The following KCNH1 variants were observed in gnomAD, a reference collection of about 807,000 sequenced individuals.
KCNH1 encodes the protein potassium voltage-gated channel subfamily H member 1, also known as voltage-gated delayed rectifier potassium channel KCNH1.
KCNH1 carries 27 observed loss-of-function variants against 69.2 expected under a neutral mutation model. The ratio of observed to expected loss-of-function variants is 0.39; its 90% CI spans 0.29 to 0.54. The LOEUF (loss-of-function observed/expected upper bound fraction) is 0.54, where lower values mean the gene tolerates loss of function less well. Among genes scored for constraint, KCNH1 ranks in the 20% least tolerant of loss-of-function variants. The pLI, the probability that KCNH1 is intolerant of heterozygous loss-of-function variation, is 0.68. For synonymous variants in KCNH1, 456 were observed against 487.7 expected (o/e 0.93, Z 0.86); for missense variants, 798 against 1,261.6 (o/e 0.63, Z 5.57).
chr1:211,024,760 T>C (rs1339114063), intron 5 of KCNH1, among the ~76,000 whole-genome samples: 2 of 151,822 alleles, frequency 1.3e-5, no homozygotes, highest in South Asian at 2.1e-4. Context: ...TACATATTAA[T>C]ATTTCTGCAG....
intron 6 of KCNH1, among the ~76,000 whole-genome samples, chr1:210,931,503 TG>T (rs1432703073): frequency 6.6e-6 from 1 of 151,986 alleles, no homozygotes; most frequent in Admixed American, 6.6e-5. Flanking sequence ...CATTGGACTT[TG>T]GGGACTTGGG....
intron 10 of KCNH1, among the ~76,000 whole-genome samples, chr1:210,708,560 C>G (rs957647411): frequency 2.6e-5 from 4 of 152,072 alleles, no homozygotes; most frequent in South Asian, 4.1e-4. Context: ...GCTGATCACT[C>G]GAATTATATT....
At chr1:210,726,807 C>T (rs575803703) in intron 10 of KCNH1, among the ~76,000 whole-genome samples, 3 of 140,704 alleles carry the variant, frequency 2.1e-5, no homozygotes, top group Admixed American at 7.2e-5. Flanking sequence ...GACAGTTCCC[C>T]GGCGGGGGTG....
At chr1:211,099,378 AT>A (rs1393388557) in intron 3 of KCNH1, among the ~76,000 whole-genome samples, 2 of 152,214 alleles carry the variant, frequency 1.3e-5, no homozygotes, top group Admixed American at 6.5e-5. Flanking sequence ...CAGATAAAAA[AT>A]ATACTTCAAG....
At chr1:210,888,018 G>A (rs1430688279) in intron 7 of KCNH1, among the ~76,000 whole-genome samples, 3 of 152,122 alleles carry the variant, frequency 2.0e-5, no homozygotes, top group African/African-American at 7.2e-5. Context: ...AGATTAACAA[G>A]GATATTCAGG....
intron 3 of KCNH1, among the ~76,000 whole-genome samples, chr1:211,099,686 C>G (rs80231636): frequency 2.0e-3 from 302 of 152,288 alleles, no homozygotes; most frequent in Middle Eastern, 6.8e-3. Context: ...TTCAAAATCA[C>G]TCAGCAAACA....
intron 5 of KCNH1, among the ~76,000 whole-genome samples, chr1:211,081,582 A>G (rs962201229): frequency 2.6e-5 from 4 of 152,252 alleles, no homozygotes; most frequent in South Asian, 2.1e-4. Context: ...ATGTCCATCA[A>G]TGATAGGCTG....
At chr1:210,899,916 A>G (rs1218813107) in intron 7 of KCNH1, among the ~76,000 whole-genome samples, 4 of 152,346 alleles carry the variant, frequency 2.6e-5, no homozygotes, top group South Asian at 4.1e-4. Flanking sequence ...AATACCACAA[A>G]GGTACATATT....
intron 5 of KCNH1, among the ~76,000 whole-genome samples, chr1:211,043,039 C>G (rs895052670): frequency 6.6e-6 from 1 of 152,002 alleles, no homozygotes; most frequent in African/African-American, 2.4e-5. Context: ...TAAGGTCACA[C>G]CTCAAGGAAC....
At chr1:210,772,761 T>C (rs565676674) in intron 10 of KCNH1, among the ~76,000 whole-genome samples, 1 of 152,262 alleles carries the variant, frequency 6.6e-6, no homozygotes, top group East Asian at 1.9e-4. Flanking sequence ...TTTCATTCTT[T>C]GGGGAGCTCT....
In KCNH1 at chr1:210,680,556, C is replaced by G. The variant is rs1681241369; in HGVS notation, c.*2725G>C. On this transcript the variant is annotated 3_prime_UTR_variant, in exon 11 of 11. Transcript: ENST00000271751. ...TCACTGGTATCTGAGGCACATGGTC[C>G]TGGCTCGGGAACCCAGAGTGGCATC... 6.6e-6 allele frequency: 1 copy of G among 152,170 alleles called. No homozygotes were observed. Among genetic ancestry groups the G allele is most frequent in the Non-Finnish European group, 1.5e-5 (1 of 68,068 alleles). The allele number at this position is 152,170 out of a possible 1,614,324, so 9.4% of individuals were successfully genotyped here.
At chr1:210,913,598 C>G (rs528264700) in intron 7 of KCNH1, among the ~76,000 whole-genome samples, 39 of 152,266 alleles carry the variant, frequency 2.6e-4, no homozygotes, top group Middle Eastern at 3.4e-3. Flanking sequence ...CAGAGCATAT[C>G]TAAGATTTGA....
intron 1 of KCNH1, among the ~76,000 whole-genome samples, chr1:211,124,444 G>C (rs1249700761): frequency 2.0e-5 from 3 of 152,144 alleles, no homozygotes; most frequent in Non-Finnish European, 4.4e-5. Context: ...AGGAGATTAA[G>C]ACCATCCTGG....
At chr1:210,842,706 C>T (rs1237318339) in intron 7 of KCNH1, among the ~76,000 whole-genome samples, 2 of 152,200 alleles carry the variant, frequency 1.3e-5, no homozygotes, top group African/African-American at 4.8e-5. Context: ...AATAGACCCA[C>T]ATTCTAGATC....
At chr1:211,002,384 A>G (rs7554031) in intron 6 of KCNH1, among the ~76,000 whole-genome samples, 7,190 of 147,440 alleles carry the variant, frequency 0.049, 570 homozygotes, top group African/African-American at 0.17. Flanking sequence ...ACACCATCCT[A>G]GGGCCCAAAA....
chr1:211,090,098 T>C (rs1558600203), intron 4 of KCNH1, among the ~76,000 whole-genome samples: 1 of 152,234 alleles, frequency 6.6e-6, no homozygotes, highest in African/African-American at 2.4e-5. Flanking sequence ...AATTAACCGG[T>C]CACAGACTTA....
At chr1:210,698,448 TAA>T (rs1253405990) in intron 10 of KCNH1, among the ~76,000 whole-genome samples, 1 of 151,900 alleles carries the variant, frequency 6.6e-6, no homozygotes, top group South Asian at 2.1e-4. Context: ...AGATACACCA[TAA>T]CCAGAAGAAG....
chr1:210,768,907 C>A (rs1445002808), intron 10 of KCNH1, among the ~76,000 whole-genome samples: 1 of 152,166 alleles, frequency 6.6e-6, no homozygotes, highest in African/African-American at 2.4e-5. Context: ...CCTAACATCA[C>A]TCACTGATCC....
chr1:211,025,200 T>C (rs914888660), intron 5 of KCNH1, among the ~76,000 whole-genome samples: 1 of 152,188 alleles, frequency 6.6e-6, no homozygotes, highest in South Asian at 2.1e-4. Flanking sequence ...CAGGTTCTTA[T>C]AAATCTCTAG....
Sources: gnomAD v4.1 joint callset for allele counts (sites outside exome capture counted in the v4.1 genomes callset) on GRCh38, gnomAD v4.1.1 for gene constraint, MANE v1.5 for transcripts, NCBI Gene and HGNC (gene_info 2026-07-23, HGNC 2026-07-21) for gene names.